Variants in TMED3 observed in about 807,000 individuals in gnomAD.
The protein encoded by TMED3 is transmembrane p24 trafficking protein 3.
In TMED3, 9 loss-of-function variants were observed where a neutral mutation model predicts 15.0. The ratio of observed to expected loss-of-function variants is 0.60; its 90% CI spans 0.36 to 1.04. The LOEUF is 1.04. Ranked by LOEUF, TMED3 falls within the 50% of genes least tolerant of loss-of-function variation. TMED3 has a pLI of 0.01. For missense variants in TMED3, 267 were observed against 278.9 expected (o/e 0.96, Z 0.30); for synonymous variants, 117 against 121.4 (o/e 0.96, Z 0.24).
intron 2 of TMED3, among the ~76,000 whole-genome samples, chr15:79,361,190 C>T (rs1332442080): frequency 6.6e-6 from 1 of 152,112 alleles, no homozygotes; most frequent in Non-Finnish European, 1.5e-5. Flanking sequence ...TTAACCAATT[C>T]CAAGTGTTGA....
chr15:79,318,842 G>T (rs529275871), intron 2 of TMED3, among the ~76,000 whole-genome samples: 3 of 152,318 alleles, frequency 2.0e-5, no homozygotes, highest in Admixed American at 6.5e-5. Context: ...TTTCTTTTCT[G>T]GTGGTTGGCC....
intron 2 of TMED3, among the ~76,000 whole-genome samples, chr15:79,397,435 C>T (rs1157290790): frequency 3.3e-5 from 5 of 152,188 alleles, no homozygotes; most frequent in Non-Finnish European, 5.9e-5. Context: ...AGCCTCTTTC[C>T]CTCCTCATGG....
intron 2 of TMED3, among the ~76,000 whole-genome samples, chr15:79,321,080 A>T (rs1341023137): frequency 1.3e-5 from 2 of 152,160 alleles, no homozygotes; most frequent in Non-Finnish European, 2.9e-5. Context: ...AATTTTTCTC[A>T]TGCTTCAGAA....
intron 2 of TMED3, among the ~76,000 whole-genome samples, chr15:79,399,830 A>G (rs1893810706): frequency 1.3e-5 from 2 of 152,200 alleles, no homozygotes; most frequent in African/African-American, 4.8e-5. Flanking sequence ...GACAGCTGAA[A>G]TCAGGGGGCG....
intron 2 of TMED3, chr15:79,383,906 G>A (rs1893583232): frequency 6.6e-6 from 1 of 152,166 alleles, no homozygotes; most frequent in Non-Finnish European, 1.5e-5. Context: ...AACTTTCTTT[G>A]GGTTAATCCT....
chr15:79,369,287 G>GA (rs977003913), intron 2 of TMED3, among the ~76,000 whole-genome samples: 1 of 152,078 alleles, frequency 6.6e-6, no homozygotes, highest in African/African-American at 2.4e-5. Context: ...GATAATAGTT[G>GA]AAAAACATGC....
chr15:79,311,448 C>A (rs1034687153), intron 1 of TMED3, 31 bp downstream of exon 1: 2 of 1,582,704 alleles, frequency 1.3e-6, no homozygotes, highest in East Asian at 2.3e-5. Flanking sequence ...GCGCTCCCTT[C>A]TCCCTCCACT....
chr15:79,380,404 A>ATATATATATAGTTATATATAGT (rs1399568517), intron 2 of TMED3, among the ~76,000 whole-genome samples: 7 of 145,300 alleles, frequency 4.8e-5, no homozygotes, highest in South Asian at 4.2e-4. Flanking sequence ...AGAGTCTCAA[A>ATATATATATAGTTATATATAGT]TATATATATA....
At position 79,411,273 on chromosome 15, in the gene TMED3, T is replaced by G. The variant is rs1893975246; in HGVS notation, c.418-127T>G. 8.7e-6 allele frequency: 5 copies of G among 573,824 alleles called. No homozygotes were observed. In the South Asian group the frequency reaches 1.0e-4, roughly 12 times the overall value. The allele number at this position is 573,824 out of a possible 1,614,324, so 35.5% of individuals were successfully genotyped here. ...GGATAATTAGAGCCAGCAATAAAGG[T>G]AAATTCTTCCACAAAGGGGCTAGGC... On this transcript the variant is annotated intron_variant, in intron 2 of 2. Transcript: ENST00000424155.
chr15:79,412,492 C>T (rs937844008), exon 3 of TMED3: 1 of 152,416 alleles, frequency 6.6e-6, no homozygotes, highest in Non-Finnish European at 1.5e-5. Context: ...GAGCAGCCAC[C>T]CTTGCCTGCA....
At chr15:79,383,056 AC>A in intron 2 of TMED3, 1 of 1,533,068 alleles carries the variant, frequency 6.5e-7, no homozygotes, top group Non-Finnish European at 8.7e-7. Flanking sequence ...CTGCTTGTTT[AC>A]CTCCTGTGCA....
chr15:79,375,920 A>C (rs1893416269), intron 2 of TMED3, among the ~76,000 whole-genome samples: 1 of 152,160 alleles, frequency 6.6e-6, no homozygotes, highest in African/African-American at 2.4e-5. Flanking sequence ...TTGTCCTGTC[A>C]TCCTCTGCAT....
chr15:79,393,883 G>T (rs1893728673), intron 2 of TMED3, among the ~76,000 whole-genome samples: 1 of 152,056 alleles, frequency 6.6e-6, no homozygotes, highest in Admixed American at 6.5e-5. Context: ...TTTTTGTAGA[G>T]ACAGGGTTTC....
chr15:79,336,438 A>G (rs769450904), intron 2 of TMED3, among the ~76,000 whole-genome samples: 1 of 152,300 alleles, frequency 6.6e-6, no homozygotes, highest in Non-Finnish European at 1.5e-5. Context: ...TGGGTGGATC[A>G]TTTGAGGTCA....
chr15:79,325,669 G>T (rs540703001), downstream of TMED3, among the ~76,000 whole-genome samples: 2 of 152,142 alleles, frequency 1.3e-5, 1 homozygote. Context: ...TAGAGGCTCA[G>T]TCCGAGTCCA....
At chr15:79,373,446 C>A (rs1183078947) in intron 2 of TMED3, among the ~76,000 whole-genome samples, 1 of 152,206 alleles carries the variant, frequency 6.6e-6, no homozygotes, top group Non-Finnish European at 1.5e-5. Flanking sequence ...CGCCTCCCAA[C>A]AGTAGTTTAT....
chr15:79,399,469 A>G (rs1293718079), intron 2 of TMED3, among the ~76,000 whole-genome samples: 1 of 152,188 alleles, frequency 6.6e-6, no homozygotes, highest in African/African-American at 2.4e-5. Context: ...AAACTGAGGC[A>G]TGGAGACACA....
chr15:79,324,825 T>G (rs2058781561), downstream of TMED3, among the ~76,000 whole-genome samples: 1 of 152,144 alleles, frequency 6.6e-6, no homozygotes. Context: ...GAGGACTGGG[T>G]TGGGGCTGAC....
At chr15:79,363,659 C>T (rs939848254) in intron 2 of TMED3, among the ~76,000 whole-genome samples, 1 of 152,202 alleles carries the variant, frequency 6.6e-6, no homozygotes. Context: ...TTACAGTTTA[C>T]AACTGAGCAG....
Sources: gnomAD v4.1 joint callset for allele counts (sites outside exome capture counted in the v4.1 genomes callset) on GRCh38, gnomAD v4.1.1 for gene constraint, MANE v1.5 for transcripts, NCBI Gene and HGNC (gene_info 2026-07-23, HGNC 2026-07-21) for gene names.